The following CNTN4 variants were observed in gnomAD, a reference collection of about 807,000 sequenced individuals.
CNTN4 encodes the protein contactin 4.
In CNTN4, 77 loss-of-function variants were observed where a neutral mutation model predicts 122.5. The observed-to-expected ratio is 0.63, with a 90% CI of 0.52 to 0.76. CNTN4 has a LOEUF of 0.76. Ranked by LOEUF, CNTN4 falls within the 30% of genes least tolerant of loss-of-function variation. The pLI, the probability that CNTN4 is intolerant of heterozygous loss-of-function variation, is 0.00. For synonymous variants in CNTN4, 512 were observed against 447.0 expected (o/e 1.15, Z -1.83); for missense variants, 1,256 against 1,259.1 (o/e 1.00, Z 0.04).
chr3:2,990,069 T>G (rs1449139625), intron 14 of CNTN4, among the ~76,000 whole-genome samples: 1 of 152,214 alleles, frequency 6.6e-6, no homozygotes, highest in African/African-American at 2.4e-5. Context: ...ATAATAGCAG[T>G]GCCAGTCTCA....
In CNTN4 at chr3:2,352,214, C is replaced by T. The variant is rs939542493; in HGVS notation, c.-89+12981C>T. 4.6e-5 allele frequency among the ~76,000 whole-genome samples: 7 copies of T among 152,166 alleles called. 1 individual carries two copies. The highest frequency in any genetic ancestry group is 1.9e-4 in the East Asian group (1 of 5,180). On this transcript the variant is annotated intron_variant, in intron 3 of 24. Coordinates refer to ENST00000418658, the MANE Select transcript of CNTN4 (RefSeq NM_175607.3). ...GACCATCCTGGCTAACACCGTGAAA[C>T]GCCGTTGAGAGGTGACAATGTGCTA... is the stretch of plus-strand genomic sequence containing the variant.
chr3:2,652,021 GTTT>G, intron 4 of CNTN4, among the ~76,000 whole-genome samples: 1 of 143,994 alleles, frequency 6.9e-6, no homozygotes, highest in Non-Finnish European at 1.5e-5. Flanking sequence ...AAAAGGTGTT[GTTT>G]TTTTTTTTTT....
intron 4 of CNTN4, among the ~76,000 whole-genome samples, chr3:2,587,400 C>G (rs932777101): frequency 6.6e-6 from 1 of 152,134 alleles, no homozygotes; most frequent in Non-Finnish European, 1.5e-5. Context: ...ACTGATAAGA[C>G]AGGCAAATAT....
intron 4 of CNTN4, among the ~76,000 whole-genome samples, chr3:2,632,489 T>C (rs2082487315): frequency 1.3e-5 from 2 of 152,174 alleles, no homozygotes; most frequent in Non-Finnish European, 2.9e-5. Context: ...AACATGACAT[T>C]GAGAGGCATG....
intron 2 of CNTN4, among the ~76,000 whole-genome samples, chr3:2,252,225 T>C (rs1300780039): frequency 6.6e-6 from 1 of 152,014 alleles, no homozygotes; most frequent in Non-Finnish European, 1.5e-5. Flanking sequence ...AACTATACTC[T>C]TGATAAAGTT....
intron 4 of CNTN4, among the ~76,000 whole-genome samples, chr3:2,630,304 G>A (rs1039430845): frequency 1.3e-5 from 2 of 152,058 alleles, no homozygotes; most frequent in Admixed American, 6.5e-5. Flanking sequence ...CCAGGCATGG[G>A]GGTACACAAC....
At chr3:2,679,965 G>A (rs2085078698) in intron 4 of CNTN4, among the ~76,000 whole-genome samples, 1 of 152,124 alleles carries the variant, frequency 6.6e-6, no homozygotes, top group African/African-American at 2.4e-5. Flanking sequence ...ATATATTTTG[G>A]AATGGATTAA....
At chr3:2,208,559 G>C (rs2038467100) in intron 2 of CNTN4, among the ~76,000 whole-genome samples, 1 of 152,142 alleles carries the variant, frequency 6.6e-6, no homozygotes, top group Non-Finnish European at 1.5e-5. Flanking sequence ...ATGTAACTAG[G>C]TGATAAAGGA....
rs181249750 is a variant in CNTN4, at chr3:3,048,897, T to C, written c.2812-4910T>C. ...AGAAAGTTTAAGGCCCCAAATATTT[T>C]GTCAACACAAATCCTTAAGCTACTT... On this transcript the variant is annotated intron_variant, in intron 23 of 24. Transcript: ENST00000418658. Among the ~76,000 whole-genome samples, 1,181 of 152,280 alleles carry C rather than the reference T, an allele frequency of 7.8e-3. 6 individuals are homozygous for C. The highest frequency in any genetic ancestry group is 0.014 in the Non-Finnish European group (940 of 68,018).
At chr3:2,556,661 CAT>C (rs1263541202) in intron 3 of CNTN4, among the ~76,000 whole-genome samples, 2 of 151,768 alleles carry the variant, frequency 1.3e-5, no homozygotes, top group Non-Finnish European at 2.9e-5. Flanking sequence ...CACACACAAA[CAT>C]ATAAAAATCA....
intron 6 of CNTN4, among the ~76,000 whole-genome samples, chr3:2,751,200 C>T (rs954967358): frequency 4.0e-5 from 6 of 151,790 alleles, no homozygotes; most frequent in African/African-American, 9.7e-5. Flanking sequence ...CCCAGCTACT[C>T]GGGAGGCTGA....
intron 13 of CNTN4, among the ~76,000 whole-genome samples, chr3:2,946,542 A>G (rs906812284): frequency 6.6e-6 from 1 of 152,108 alleles, no homozygotes; most frequent in Admixed American, 6.5e-5. Context: ...GGTTCACTGA[A>G]ATGAGCTTTC....
chr3:2,597,000 G>T (rs1039138130), intron 4 of CNTN4, among the ~76,000 whole-genome samples: 9 of 151,802 alleles, frequency 5.9e-5, no homozygotes, highest in Non-Finnish European at 8.8e-5. Context: ...TCTGCACATA[G>T]CCCATATAAA....
intron 2 of CNTN4, among the ~76,000 whole-genome samples, chr3:2,162,331 T>A (rs2036000996): frequency 6.6e-6 from 1 of 152,248 alleles, no homozygotes; most frequent in Non-Finnish European, 1.5e-5. Context: ...TGCACATGCA[T>A]GCATGTTTTA....
chr3:3,051,911 C>T (rs997238839), intron 23 of CNTN4, among the ~76,000 whole-genome samples: 4 of 152,128 alleles, frequency 2.6e-5, no homozygotes, highest in African/African-American at 7.2e-5. Flanking sequence ...GAGCTAATCT[C>T]GTGCTTCTCA....
chr3:2,302,075 G>A (rs1246022667), intron 2 of CNTN4, among the ~76,000 whole-genome samples: 2 of 152,086 alleles, frequency 1.3e-5, no homozygotes, highest in Non-Finnish European at 2.9e-5. Flanking sequence ...ATATTTTTTT[G>A]TGGCAGAAAT....
rs528015549 is a variant in CNTN4, at chr3:2,513,908, T to C, written c.-88-57508T>C. Among the ~76,000 whole-genome samples the C allele has an allele frequency of 9.9e-5, 15 of 152,246 alleles. 1 individual carries two copies. In the South Asian group the frequency reaches 3.1e-3, roughly 32 times the overall value. On this transcript the variant is annotated intron_variant, in intron 3 of 24. Coordinates refer to ENST00000418658, the MANE Select transcript of CNTN4 (RefSeq NM_175607.3). ...AACAATTTGGTCTTCAAAATAAATT[T>C]AAAGTGCTATGAAAGAGAATAAAGG...
chr3:3,009,465 G>A (rs1165377596), intron 14 of CNTN4, among the ~76,000 whole-genome samples: 8 of 150,364 alleles, frequency 5.3e-5, no homozygotes, highest in East Asian at 3.9e-4. Flanking sequence ...ATGGAGTCTT[G>A]CTCTGTCGCC....
chr3:2,325,826 G>A (rs11129103), intron 2 of CNTN4, among the ~76,000 whole-genome samples: 53,541 of 152,044 alleles, frequency 0.35, 10,379 homozygotes, highest in East Asian at 0.8. Context: ...GAGTACATAT[G>A]TGTACTTTAG....
Sources: allele counts gnomAD v4.1 joint callset (sites outside exome capture counted in the v4.1 genomes callset), GRCh38; gene constraint gnomAD v4.1.1; transcripts MANE v1.5; gene names NCBI Gene and HGNC (gene_info 2026-07-23, HGNC 2026-07-21).